Variants in SCFD1 observed in about 807,000 individuals in gnomAD.
SCFD1 encodes the protein sec1 family domain-containing protein 1.
In SCFD1, 37 loss-of-function variants were observed where a neutral mutation model predicts 103.2. That is an observed-to-expected ratio of 0.36 (90% CI 0.28 to 0.47). The LOEUF is 0.47. Among genes scored for constraint, SCFD1 ranks in the 20% least tolerant of loss-of-function variants. SCFD1 has a pLI of 1.00. For synonymous variants in SCFD1, 264 were observed against 245.0 expected, an observed-to-expected ratio of 1.08 and a Z score of -0.73; for missense variants, 639 against 761.2, an observed-to-expected ratio of 0.84 and a Z score of 1.89.
chr14:30,698,862 A>G (rs78667648), intron 15 of SCFD1, among the ~76,000 whole-genome samples: 2,959 of 152,312 alleles, frequency 0.019, 53 homozygotes, highest in Middle Eastern at 0.034. Flanking sequence ...CTGCACATCT[A>G]TGAAGCTGAT....
At chr14:30,729,774 T>C (rs184959916) in intron 23 of SCFD1, among the ~76,000 whole-genome samples, 1 of 152,342 alleles carries the variant, frequency 6.6e-6, no homozygotes, top group Admixed American at 6.5e-5. Context: ...AGGCTTCTGG[T>C]CCATGAATAG....
chr14:30,653,669 T>A, intron 10 of SCFD1, 81 bp downstream of exon 10: 1 of 938,024 alleles, frequency 1.1e-6, no homozygotes, highest in Non-Finnish European at 1.7e-6. Context: ...ACATCATGGC[T>A]ACAGAAACAA....
intron 23 of SCFD1, among the ~76,000 whole-genome samples, chr14:30,728,644 A>G (rs1195957103): frequency 2.6e-5 from 4 of 152,136 alleles, no homozygotes; most frequent in Admixed American, 2.6e-4. Flanking sequence ...AGAACTACAG[A>G]CTGTTTTCCA....
chr14:30,690,732 C>G (rs996189372), intron 14 of SCFD1, among the ~76,000 whole-genome samples: 5 of 150,608 alleles, frequency 3.3e-5, no homozygotes, highest in African/African-American at 4.9e-5. Flanking sequence ...GTGAGATGAA[C>G]CCGGTACTTC....
chr14:30,735,005 G>T, intron 24 of SCFD1, 147 bp downstream of exon 24: 1 of 595,438 alleles, frequency 1.7e-6, no homozygotes. Flanking sequence ...TGTTTTCATG[G>T]ACGACTAAGA....
chr14:30,691,130 A>G (rs1050389078), intron 14 of SCFD1, among the ~76,000 whole-genome samples: 21 of 152,204 alleles, frequency 1.4e-4, no homozygotes, highest in Admixed American at 3.9e-4. Context: ...TATACATTAG[A>G]GTATGACCTG....
chr14:30,656,482 G>A (rs1047305499), intron 10 of SCFD1, among the ~76,000 whole-genome samples: 4 of 152,114 alleles, frequency 2.6e-5, no homozygotes, highest in Admixed American at 2.0e-4. Context: ...AGGATGTTTA[G>A]CATCATTCCT....
intron 21 of SCFD1, among the ~76,000 whole-genome samples, 187 bp downstream of exon 21, chr14:30,719,564 C>G (rs1033033614): frequency 2.0e-5 from 3 of 152,110 alleles, no homozygotes; most frequent in Admixed American, 2.0e-4. Context: ...AGATGTTTTT[C>G]CTTCCACATA....
At chr14:30,693,882 TAA>T (rs1012197817) in intron 14 of SCFD1, among the ~76,000 whole-genome samples, 18 of 152,296 alleles carry the variant, frequency 1.2e-4, no homozygotes, top group Middle Eastern at 3.4e-3. Context: ...AAGCATAACT[TAA>T]GAGTTATTTG....
At chr14:30,651,922 TTGTA>T (rs1211992591) in intron 9 of SCFD1, among the ~76,000 whole-genome samples, 1 of 152,192 alleles carries the variant, frequency 6.6e-6, no homozygotes, top group Non-Finnish European at 1.5e-5. Flanking sequence ...TACTAGAATC[TTGTA>T]TACATTGTAG....
chr14:30,700,385 A>G (rs1890997946), intron 16 of SCFD1, 127 bp downstream of exon 16: 1 of 709,562 alleles, frequency 1.4e-6, no homozygotes, highest in East Asian at 2.6e-5. Context: ...TCTTTAAAAG[A>G]AAAATGGCCA....
intron 23 of SCFD1, among the ~76,000 whole-genome samples, chr14:30,724,482 A>G (rs1892904579): frequency 6.6e-6 from 1 of 151,820 alleles, no homozygotes; most frequent in African/African-American, 2.4e-5. Context: ...TGAACTCCTG[A>G]CCTCAAGTGA....
At chr14:30,733,226 T>C (rs377670202) in intron 23 of SCFD1, among the ~76,000 whole-genome samples, 9 of 152,218 alleles carry the variant, frequency 5.9e-5, no homozygotes, top group East Asian at 1.9e-4. Flanking sequence ...GCCAGGCTGG[T>C]CTCGAACTCC....
chr14:30,636,492 C>A (rs1884735396), intron 4 of SCFD1, among the ~76,000 whole-genome samples: 1 of 152,016 alleles, frequency 6.6e-6, no homozygotes, highest in Non-Finnish European at 1.5e-5. Flanking sequence ...ACTATTCTTT[C>A]CCTAGTGAAT....
At chr14:30,677,398 G>C (rs567316734) in intron 14 of SCFD1, among the ~76,000 whole-genome samples, 8 of 152,132 alleles carry the variant, frequency 5.3e-5, no homozygotes, top group African/African-American at 1.9e-4. Context: ...TTTAAACAAA[G>C]TGTGCTATTG....
chr14:30,660,801 G>A (rs1887379568), intron 10 of SCFD1, among the ~76,000 whole-genome samples: 1 of 152,044 alleles, frequency 6.6e-6, no homozygotes, highest in African/African-American at 2.4e-5. Flanking sequence ...TGTTCATTTT[G>A]ATGCTTGAAT....
At chr14:30,705,741 TAGTC>T (rs964245718) in intron 17 of SCFD1, 78 bp from the exon 18 acceptor site, 8 of 1,013,416 alleles carry the variant, frequency 7.9e-6, no homozygotes, top group South Asian at 2.7e-5. Context: ...AAGTTAGAGT[TAGTC>T]AGTAGATATT....
chr14:30,722,697 T>C, intron 23 of SCFD1, 138 bp downstream of exon 23: 2 of 453,902 alleles, frequency 4.4e-6, no homozygotes, highest in Non-Finnish European at 7.7e-6. Flanking sequence ...ATATGATTTT[T>C]AAATGTTTAT....
chr14:30,651,742 G>C (rs72666429), intron 9 of SCFD1, among the ~76,000 whole-genome samples: 343 of 151,916 alleles, frequency 2.3e-3, no homozygotes, highest in Non-Finnish European at 3.8e-3. Flanking sequence ...TCAACTTGTT[G>C]GATCTATTTC....
Sources: gnomAD v4.1 joint callset for allele counts (sites outside exome capture counted in the v4.1 genomes callset) on GRCh38, gnomAD v4.1.1 for gene constraint, MANE v1.5 for transcripts, NCBI Gene and HGNC (gene_info 2026-07-23, HGNC 2026-07-21) for gene names.